C11orf65: variants seen among roughly 807,000 people sequenced by gnomAD.
The protein encoded by C11orf65 is protein MFI.
Under a neutral mutation model 35.3 loss-of-function variants are expected in C11orf65, and 38 were observed. That is an observed-to-expected ratio of 1.08 (90% CI 0.83 to 1.41). The LOEUF is 1.41. Among genes scored for constraint, C11orf65 ranks in the 40% most tolerant of loss-of-function variants. The pLI, the probability that C11orf65 is intolerant of heterozygous loss-of-function variation, is 0.00. For synonymous variants in C11orf65, 105 were observed against 114.4 expected (o/e 0.92, Z 0.53); for missense variants, 370 against 367.1 (o/e 1.01, Z -0.06).
At chr11:108,377,174 C>G (rs1166665624) in intron 2 of C11orf65, among the ~76,000 whole-genome samples, 5 of 151,438 alleles carry the variant, frequency 3.3e-5, no homozygotes, top group Non-Finnish European at 7.4e-5. Context: ...AGAGACACAA[C>G]CAAAAAAGAG....
intron 2 of C11orf65, among the ~76,000 whole-genome samples, chr11:108,340,920 T>G (rs1225268263): frequency 2.6e-5 from 4 of 152,332 alleles, no homozygotes; most frequent in East Asian, 3.9e-4. Context: ...TATTTTTTAT[T>G]GTATTGTTTT....
chr11:108,342,643 AG>A (rs1278484516), intron 2 of C11orf65, among the ~76,000 whole-genome samples: 1 of 152,182 alleles, frequency 6.6e-6, no homozygotes, highest in African/African-American at 2.4e-5. Context: ...AATGGATAAA[AG>A]GGTATCTGTT....
chr11:108,420,337 A>C (rs574617129), intron 3 of C11orf65, among the ~76,000 whole-genome samples: 3 of 152,310 alleles, frequency 2.0e-5, no homozygotes, highest in Non-Finnish European at 4.4e-5. Context: ...TATGGAAGAA[A>C]GGGGAGGGAA....
intron 6 of C11orf65, among the ~76,000 whole-genome samples, chr11:108,319,245 A>G (rs992028951): frequency 1.3e-5 from 2 of 152,188 alleles, no homozygotes; most frequent in Non-Finnish European, 2.9e-5. Context: ...AATTAGAGAT[A>G]TATCCTCATA....
At chr11:108,320,158 TGAA>T (rs761562193) in intron 6 of C11orf65, 11 of 907,954 alleles carry the variant, frequency 1.2e-5, no homozygotes, top group African/African-American at 3.3e-5. Context: ...TTTGCATTGA[TGAA>T]GAGATAAAGA....
chr11:108,329,820 T>G (rs142349135), downstream of C11orf65, among the ~76,000 whole-genome samples: 1 of 152,240 alleles, frequency 6.6e-6, no homozygotes. Flanking sequence ...AATATAGATA[T>G]TAGCTTTCTG....
chr11:108,396,859 AAATAAAT>A (rs2092320713), intron 6 of C11orf65, among the ~76,000 whole-genome samples: 1 of 146,486 alleles, frequency 6.8e-6, no homozygotes, highest in African/African-American at 2.5e-5. Context: ...ATAAATAAAT[AAATAAAT>A]AAATAAATAA....
intron 6 of C11orf65, among the ~76,000 whole-genome samples, chr11:108,396,425 A>G (rs756837759): frequency 2.6e-5 from 4 of 152,060 alleles, no homozygotes; most frequent in Admixed American, 2.0e-4. Flanking sequence ...GTGATATATG[A>G]TAATTCAGAT....
intron 6 of C11orf65, among the ~76,000 whole-genome samples, chr11:108,397,769 A>G (rs1002528759): frequency 1.3e-5 from 2 of 150,876 alleles, no homozygotes; most frequent in Non-Finnish European, 2.9e-5. Flanking sequence ...ACCCAGTCAT[A>G]AGAAAGCATT....
At chr11:108,387,700 TA>T (rs2092045247) in intron 7 of C11orf65, among the ~76,000 whole-genome samples, 1 of 151,880 alleles carries the variant, frequency 6.6e-6, no homozygotes, top group South Asian at 2.1e-4. Flanking sequence ...GCTAACTTTT[TA>T]ATTTTTTGTA....
At chr11:108,329,583 G>C (rs1295595898), downstream of C11orf65, among the ~76,000 whole-genome samples, 1 of 151,970 alleles carries the variant, frequency 6.6e-6, no homozygotes, top group Non-Finnish European at 1.5e-5. Flanking sequence ...GCTAATTTTT[G>C]TATTTTTTGT....
intron 3 of C11orf65, chr11:108,334,824 C>A: frequency 1.1e-6 from 1 of 919,230 alleles, no homozygotes; most frequent in Non-Finnish European, 1.7e-6. Context: ...GCCACCACAC[C>A]CGGCCTAAAG....
At chr11:108,435,332 A>G (rs2093046108) in intron 2 of C11orf65, among the ~76,000 whole-genome samples, 1 of 152,218 alleles carries the variant, frequency 6.6e-6, no homozygotes, top group Non-Finnish European at 1.5e-5. Context: ...ACATGAAAAA[A>G]AAAAGACAAT....
chr11:108,415,253 A>G (rs2092713283), intron 3 of C11orf65, among the ~76,000 whole-genome samples: 2 of 152,176 alleles, frequency 1.3e-5, no homozygotes, highest in Non-Finnish European at 2.9e-5. Flanking sequence ...TCTATGTTAA[A>G]AAATCCCAAT....
At chr11:108,345,051 A>G (rs1218817156) in intron 2 of C11orf65, among the ~76,000 whole-genome samples, 1 of 152,042 alleles carries the variant, frequency 6.6e-6, no homozygotes, top group Non-Finnish European at 1.5e-5. Context: ...AGTGCCTCCC[A>G]GTTTTCTGTT....
intron 2 of C11orf65, among the ~76,000 whole-genome samples, chr11:108,348,778 A>C (rs2088812382): frequency 6.6e-6 from 1 of 152,110 alleles, no homozygotes; most frequent in Non-Finnish European, 1.5e-5. Flanking sequence ...TTCACTATAA[A>C]ACAAAGAAGA....
At position 108,465,673 on chromosome 11, in the gene C11orf65, T is replaced by A. The variant is rs552874627; in HGVS notation, c.-10+1798A>T. Among the ~76,000 whole-genome samples, 12 of 150,290 alleles carry A rather than the reference T, an allele frequency of 8.0e-5. No individual in the cohort carries two copies. In the East Asian group the frequency reaches 2.4e-3, roughly 30 times the overall value. ...ATGGGGTGTAGCTAGAGAGTGAGAA[T>A]GGATTAAAGGTTTTTTTTTAAAAAA... On this transcript the variant is annotated intron_variant, in intron 1 of 8. Coordinates refer to ENST00000393084, the MANE Select transcript of C11orf65 (RefSeq NM_152587.5).
chr11:108,330,477 C>A (rs565086962), downstream of C11orf65: 68 of 1,547,858 alleles, frequency 4.4e-5, 1 homozygote, highest in Middle Eastern at 5.1e-4. Flanking sequence ...TAGACATAAG[C>A]CCCTTGATGT....
chr11:108,349,703 G>C (rs1039325338), intron 2 of C11orf65, among the ~76,000 whole-genome samples: 1 of 152,146 alleles, frequency 6.6e-6, no homozygotes, highest in Non-Finnish European at 1.5e-5. Context: ...AGTTTAGAAG[G>C]GAAGGGAAGG....
Sources: allele counts gnomAD v4.1 joint callset (sites outside exome capture counted in the v4.1 genomes callset), GRCh38; gene constraint gnomAD v4.1.1; transcripts MANE v1.5; gene names NCBI Gene and HGNC (gene_info 2026-07-23, HGNC 2026-07-21).